ANAPC1: variants seen among roughly 807,000 people sequenced by gnomAD.
ANAPC1 encodes anaphase promoting complex subunit 1, also known as anaphase-promoting complex subunit 1.
Under a neutral mutation model 208.0 loss-of-function variants are expected in ANAPC1, and 36 were observed. The ratio of observed to expected loss-of-function variants is 0.17; its 90% CI spans 0.13 to 0.23. The LOEUF (loss-of-function observed/expected upper bound fraction) is 0.23, where lower values mean the gene tolerates loss of function less well. ANAPC1 is among the 10% of genes least tolerant of loss of function. The pLI is 1.00. For missense variants in ANAPC1, 942 were observed against 2,011.6 expected (o/e 0.47, Z 10.17); for synonymous variants, 378 against 695.2 (o/e 0.54, Z 7.18).
chr2:111,790,260 T>C (rs1677807613), intron 38 of ANAPC1, among the ~76,000 whole-genome samples: 1 of 152,086 alleles, frequency 6.6e-6, no homozygotes, highest in Non-Finnish European at 1.5e-5. Flanking sequence ...TGATCAATAT[T>C]TTATCAGATT....
At chr2:111,871,761 A>G (rs1682760871) in intron 6 of ANAPC1, among the ~76,000 whole-genome samples, 1 of 152,212 alleles carries the variant, frequency 6.6e-6, no homozygotes, top group Admixed American at 6.5e-5. Context: ...TCAAAAAAAA[A>G]GAGACTGCGT....
intron 29 of ANAPC1, among the ~76,000 whole-genome samples, chr2:111,807,313 T>TA (rs1285716447): frequency 2.1e-5 from 3 of 145,562 alleles, no homozygotes; most frequent in Middle Eastern, 3.4e-3. Context: ...TTCTAAAAGT[T>TA]AAAAAAAGGC....
At chr2:111,857,844 TATACA>T (rs1397361055) in intron 11 of ANAPC1, among the ~76,000 whole-genome samples, 5 of 152,340 alleles carry the variant, frequency 3.3e-5, no homozygotes, top group Admixed American at 6.5e-5. Flanking sequence ...GTGGTAGATC[TATACA>T]ATGGACTATT....
At chr2:111,865,802 CAAAGA>C (rs1404116397) in intron 7 of ANAPC1, 2 of 170,698 alleles carry the variant, frequency 1.2e-5, no homozygotes, top group Non-Finnish European at 2.6e-5. Flanking sequence ...TCCAAGATGA[CAAAGA>C]AAAGAAGGAA....
chr2:111,873,099 A>G, intron 5 of ANAPC1: 1 of 563,180 alleles, frequency 1.8e-6, no homozygotes. Context: ...ACCACAGAAG[A>G]CTTCCTAATT....
In ANAPC1 at chr2:111,850,926, A is replaced by T. The variant is rs1375580196; in HGVS notation, c.1516-16T>A. ...CCTTTCCCACCTTTAAGCAATAAAA[A>T]CATGTGGAAAAAAAAATATTGCCTT... On this transcript the variant is annotated splice_polypyrimidine_tract_variant and intron_variant, in intron 13 of 47. Coordinates refer to ENST00000341068, the MANE Select transcript of ANAPC1 (RefSeq NM_022662.4). 6.3e-7 allele frequency: 1 copy of T among 1,586,374 alleles called. No individual in the cohort carries two copies.
At chr2:111,825,200 T>C (rs528398939) in intron 22 of ANAPC1, 33 bp from the exon 23 acceptor site, 1 of 1,610,564 alleles carries the variant, frequency 6.2e-7, no homozygotes, top group South Asian at 1.1e-5. Context: ...TTAATTTTGA[T>C]AGTCATCCTG....
At chr2:111,791,136 AAG>A (rs1225847858) in intron 38 of ANAPC1, among the ~76,000 whole-genome samples, 35 of 152,234 alleles carry the variant, frequency 2.3e-4, no homozygotes, top group African/African-American at 8.2e-4. Context: ...GACATCACAA[AAG>A]AGGTTTTGCA....
At chr2:111,857,054 C>T in intron 11 of ANAPC1, 168 bp from the exon 12 acceptor site, 1 of 571,178 alleles carries the variant, frequency 1.8e-6, no homozygotes, top group Admixed American at 3.0e-5. Context: ...TTAGTGGTTA[C>T]CAGGATCAGT....
intron 16 of ANAPC1, among the ~76,000 whole-genome samples, chr2:111,846,548 TATATA>T (rs1681078805): frequency 1.6e-5 from 1 of 61,222 alleles, no homozygotes; most frequent in Non-Finnish European, 3.1e-5. Flanking sequence ...TATATATATA[TATATA>T]TATATATTTT....
At chr2:111,776,308 AAGTC>A (rs1305005571) in intron 46 of ANAPC1, among the ~76,000 whole-genome samples, 1 of 150,286 alleles carries the variant, frequency 6.7e-6, no homozygotes, top group African/African-American at 2.5e-5. Flanking sequence ...TGCCTCATGT[AAGTC>A]AGAATCACTT....
intron 26 of ANAPC1, 127 bp downstream of exon 26, chr2:111,821,112 C>T (rs542475528): frequency 2.1e-5 from 14 of 654,874 alleles, no homozygotes; most frequent in Middle Eastern, 4.1e-4. Flanking sequence ...CATATTTTCA[C>T]TTGAAAGTAT....
chr2:111,784,260 T>C, intron 41 of ANAPC1, 63 bp downstream of exon 41: 1 of 1,613,942 alleles, frequency 6.2e-7, no homozygotes, highest in South Asian at 1.1e-5. Context: ...TAGCTATCTT[T>C]AACGCTATGC....
chr2:111,820,720 C>G (rs1159996583), intron 26 of ANAPC1, among the ~76,000 whole-genome samples: 1 of 140,646 alleles, frequency 7.1e-6, no homozygotes, highest in African/African-American at 2.6e-5. Context: ...GCATGTGAGT[C>G]TTATAATGTA....
rs1157313873 is a variant in ANAPC1, at chr2:111,768,345, T to C, written c.*946A>G. On this transcript the variant is annotated 3_prime_UTR_variant, in exon 48 of 48. Transcript: ENST00000341068. ...ATTTCTAAAGAGCCCTCTGTAGTAATTTCTTATTTTATCTATTTAGAGCAG... is the reference window on the plus strand; with the variant it reads ...ATTTCTAAAGAGCCCTCTGTAGTAACTTCTTATTTTATCTATTTAGAGCAG... 6.6e-6 allele frequency: 1 copy of C among 152,146 alleles called. No individual in the cohort carries two copies. The highest frequency in any genetic ancestry group is 2.4e-5 in the African/African-American group (1 of 41,406). 9.4% of individuals were successfully genotyped at this position (152,146 alleles called of 1,614,324 possible).
chr2:111,781,870 T>G (rs1268735937), intron 43 of ANAPC1, among the ~76,000 whole-genome samples: 6 of 152,282 alleles, frequency 3.9e-5, no homozygotes, highest in Admixed American at 3.3e-4. Flanking sequence ...CAAACACTAC[T>G]GCACTGGCAG....
intron 18 of ANAPC1, among the ~76,000 whole-genome samples, chr2:111,837,427 C>G (rs1323619849): frequency 6.6e-6 from 1 of 152,138 alleles, no homozygotes; most frequent in Non-Finnish European, 1.5e-5. Context: ...CAAGACCAGC[C>G]TGACCAACAT....
intron 17 of ANAPC1, among the ~76,000 whole-genome samples, chr2:111,842,187 G>GA (rs1225545732): frequency 6.6e-6 from 1 of 152,074 alleles, no homozygotes; most frequent in African/African-American, 2.4e-5. Flanking sequence ...AGATATTTTA[G>GA]AAAAAATTTT....
In ANAPC1 at chr2:111,863,893, T is replaced by C; in HGVS notation, c.834A>G (p.Glu278=). Residue 278 remains glutamate, a splice_region_variant and synonymous_variant, in exon 9 of 48, where the codon GAA becomes GAG. Coordinates refer to ENST00000341068, the MANE Select transcript of ANAPC1 (RefSeq NM_022662.4). ...CAGAGAACTTTAAAACAACATTCTC[T>C]TCCTTAAGTCAAAATAAAGAGAAAG... ...VWTLRRVKSE[E]ENVVLKFSEQ... The C allele has an allele frequency of 6.3e-7, 1 of 1,595,624 alleles. No individual in the cohort carries two copies. Among genetic ancestry groups the C allele is most frequent in the South Asian group, 1.2e-5 (1 of 86,908 alleles).
Sources: gnomAD v4.1 joint callset for allele counts (sites outside exome capture counted in the v4.1 genomes callset) on GRCh38, gnomAD v4.1.1 for gene constraint, MANE v1.5 for transcripts, NCBI Gene and HGNC (gene_info 2026-07-23, HGNC 2026-07-21) for gene names.